Variants in CAMTA1 observed in about 807,000 individuals in gnomAD.
The protein encoded by CAMTA1 is calmodulin binding transcription activator 1, also known as calmodulin-binding transcription activator 1.
A neutral mutation model predicts 170.9 loss-of-function variants in CAMTA1; 27 were observed. The ratio of observed to expected loss-of-function variants is 0.16; its 90% CI spans 0.12 to 0.22. The LOEUF is 0.22. CAMTA1 is among the 10% of genes least tolerant of loss of function. The pLI is 1.00. For missense variants in CAMTA1, 1,619 were observed against 2,217.2 expected (o/e 0.73, Z 5.42); for synonymous variants, 833 against 891.5 (o/e 0.93, Z 1.17).
intron 3 of CAMTA1, among the ~76,000 whole-genome samples, chr1:7,037,671 C>G (rs1403255826): frequency 1.3e-5 from 2 of 152,028 alleles, no homozygotes; most frequent in Non-Finnish European, 2.9e-5. Flanking sequence ...AACCCTGTCT[C>G]TACTAAAAAT....
intron 4 of CAMTA1, among the ~76,000 whole-genome samples, chr1:7,209,610 G>A (rs1658398750): frequency 6.6e-6 from 1 of 152,138 alleles, no homozygotes; most frequent in Admixed American, 6.5e-5. Flanking sequence ...AAACAACCTC[G>A]TTCTTCAGCT....
In CAMTA1 at chr1:7,456,242, G is replaced by GAGGGAGGA. The variant is rs1260899440; in HGVS notation, c.439-11575_439-11568dup. 2.3e-4 allele frequency among the ~76,000 whole-genome samples: 33 copies of GAGGGAGGA among 144,028 alleles called. No individual in the cohort carries two copies. The highest frequency in any genetic ancestry group is 1.1e-3 in the Admixed American group (16 of 14,490). The allele number at this position is 144,028 out of a possible 152,430, so 94.5% of individuals were successfully genotyped here. ...GGAGAGAGGGAGGGAGAGAAGGAGGGAGGGAGGAAGGGAGGAAGGGGGGCA... is the reference window on the plus strand; with the variant it reads ...GGAGAGAGGGAGGGAGAGAAGGAGGGAGGGAGGAAGGGAGGAAGGGAGGAAGGGGGGCA... On this transcript the variant is annotated intron_variant, in intron 5 of 22. Coordinates refer to ENST00000303635, the MANE Select transcript of CAMTA1 (RefSeq NM_015215.4). This position sits in a 1 kb window ranked among gnomAD's most constrained non-coding sequence, Gnocchi z 4.9.
intron 6 of CAMTA1, among the ~76,000 whole-genome samples, chr1:7,566,491 C>G (rs1289545860): frequency 3.3e-5 from 5 of 152,122 alleles, no homozygotes; most frequent in Non-Finnish European, 7.4e-5. Context: ...TCCCACCAGC[C>G]CCTGCCTCGC....
chr1:6,948,486 A>C (rs1687923322), intron 3 of CAMTA1, among the ~76,000 whole-genome samples: 1 of 152,246 alleles, frequency 6.6e-6, no homozygotes, highest in South Asian at 2.1e-4. Context: ...TCCTCTTAGC[A>C]ACCCTGTCAG....
chr1:7,508,786 C>G (rs377031925), intron 6 of CAMTA1, among the ~76,000 whole-genome samples: 1 of 152,120 alleles, frequency 6.6e-6, no homozygotes, highest in Non-Finnish European at 1.5e-5. Context: ...AAGACAAGGC[C>G]TCCCAGCCCT....
At chr1:7,695,087 G>C (rs990241387) in intron 11 of CAMTA1, among the ~76,000 whole-genome samples, 7 of 152,174 alleles carry the variant, frequency 4.6e-5, no homozygotes, top group Non-Finnish European at 1.0e-4. Flanking sequence ...GGTCACCCAG[G>C]AGAGCTAAAG....
chr1:7,135,673 T>C lies in CAMTA1; in HGVS notation c.302+44302T>C, dbSNP rs181734493. 6.6e-5 allele frequency among the ~76,000 whole-genome samples: 10 copies of C among 152,320 alleles called. No homozygotes were observed. In the East Asian group the frequency reaches 1.4e-3, roughly 21 times the overall value. On this transcript the variant is annotated intron_variant, in intron 4 of 22. Transcript: ENST00000303635. ...CTCATGCCTTCAAGCTTCTACCACC[T>C]GTTGCCTTTTCTCATTGCAATTATT...
chr1:6,823,111 T>G (rs1264239373), intron 2 of CAMTA1, among the ~76,000 whole-genome samples: 2 of 152,094 alleles, frequency 1.3e-5, no homozygotes, highest in Non-Finnish European at 2.9e-5. Flanking sequence ...GTATAGATTT[T>G]AGAATTTCAC....
At chr1:7,055,473 T>A (rs1291935697) in intron 3 of CAMTA1, among the ~76,000 whole-genome samples, 1 of 152,154 alleles carries the variant, frequency 6.6e-6, no homozygotes, top group African/African-American at 2.4e-5. Flanking sequence ...CAGGAACAGA[T>A]GAAAGAACAC....
intron 5 of CAMTA1, among the ~76,000 whole-genome samples, chr1:7,422,048 C>T (rs895379446): frequency 6.6e-6 from 1 of 152,054 alleles, no homozygotes; most frequent in Non-Finnish European, 1.5e-5. Context: ...ACAATCAGCC[C>T]AGGGAGAAAA....
chr1:7,232,547 C>G (rs549777243), intron 4 of CAMTA1, among the ~76,000 whole-genome samples: 2 of 152,300 alleles, frequency 1.3e-5, no homozygotes, highest in East Asian at 3.9e-4. Context: ...TGGCCTATCT[C>G]CTTGCTAGAA....
At chr1:7,282,360 A>G (rs988895113) in intron 5 of CAMTA1, among the ~76,000 whole-genome samples, 1 of 151,860 alleles carries the variant, frequency 6.6e-6, no homozygotes, top group South Asian at 2.1e-4. Context: ...CTCTCCTCCA[A>G]AAGTCTCTTT....
intron 5 of CAMTA1, among the ~76,000 whole-genome samples, chr1:7,427,760 G>A (rs1052199541): frequency 6.6e-6 from 1 of 152,210 alleles, no homozygotes; most frequent in Non-Finnish European, 1.5e-5. Flanking sequence ...TGCCGCCCAG[G>A]GACGAGGCGC....
At chr1:7,169,685 T>A (rs1573614465) in intron 4 of CAMTA1, among the ~76,000 whole-genome samples, 1 of 152,260 alleles carries the variant, frequency 6.6e-6, no homozygotes, top group East Asian at 1.9e-4. Context: ...CTGATTTTTG[T>A]ATTTTCAGTA....
Position 7,146,578 on chromosome 1 carries a change from C to T in CAMTA1, c.302+55207C>T, listed in dbSNP as rs577975632. Among the ~76,000 whole-genome samples the T allele has an allele frequency of 1.1e-4, 16 of 151,998 alleles. No individual in the cohort carries two copies. Among genetic ancestry groups the T allele is most frequent in the African/African-American group, 2.2e-4 (9 of 41,472 alleles). ...TTCCTTGACCCCGGCCACGTCCTGC[C>T]GGCTCCTCCTCCTTGAACACCAACC... On this transcript the variant is annotated intron_variant, in intron 4 of 22. Coordinates refer to ENST00000303635, the MANE Select transcript of CAMTA1 (RefSeq NM_015215.4). This position sits in a 1 kb window ranked among gnomAD's most constrained non-coding sequence, Gnocchi z 4.3.
At chr1:7,705,627 C>G (rs1408491876) in intron 11 of CAMTA1, among the ~76,000 whole-genome samples, 1 of 152,006 alleles carries the variant, frequency 6.6e-6, no homozygotes, top group Non-Finnish European at 1.5e-5. Context: ...GACCCAGTGC[C>G]GCCTCCTTCC....
At chr1:7,004,638 A>G (rs1425397388) in intron 3 of CAMTA1, among the ~76,000 whole-genome samples, 1 of 152,216 alleles carries the variant, frequency 6.6e-6, no homozygotes, top group African/African-American at 2.4e-5. Flanking sequence ...ATTCAAGATT[A>G]TATCATGCCA....
intron 6 of CAMTA1, among the ~76,000 whole-genome samples, chr1:7,594,122 A>G (rs2095376416): frequency 6.7e-6 from 1 of 148,580 alleles, no homozygotes; most frequent in Admixed American, 6.7e-5. Flanking sequence ...AAAGAGAGAA[A>G]GAAAGAAAGA....
At chr1:7,261,159 T>A (rs1181278371) in intron 5 of CAMTA1, among the ~76,000 whole-genome samples, 1 of 152,234 alleles carries the variant, frequency 6.6e-6, no homozygotes, top group Non-Finnish European at 1.5e-5. Flanking sequence ...AATGCTTCAC[T>A]TATGGAAACA....
Sources: allele counts gnomAD v4.1 joint callset (sites outside exome capture counted in the v4.1 genomes callset), GRCh38; gene constraint gnomAD v4.1.1; non-coding constraint Gnocchi (gnomAD v3.1); transcripts MANE v1.5; gene names NCBI Gene and HGNC (gene_info 2026-07-23, HGNC 2026-07-21).